Variants in EPHA6 observed in about 807,000 individuals in gnomAD.
EPHA6 encodes EPH receptor A6.
EPHA6 carries 50 observed loss-of-function variants against 112.0 expected under a neutral mutation model. The ratio of observed to expected loss-of-function variants is 0.45; its 90% CI spans 0.36 to 0.56. EPHA6 has a LOEUF of 0.56. EPHA6 is among the 20% of genes least tolerant of loss of function. The pLI, the probability that EPHA6 is intolerant of heterozygous loss-of-function variation, is 0.00. For synonymous variants in EPHA6, 529 were observed against 490.7 expected, an observed-to-expected ratio of 1.08 and a Z score of -1.03; for missense variants, 1,280 against 1,417.4, an observed-to-expected ratio of 0.90 and a Z score of 1.56.
chr3:97,110,027 T>C (rs765090117), intron 3 of EPHA6, among the ~76,000 whole-genome samples: 1 of 152,100 alleles, frequency 6.6e-6, no homozygotes, highest in Non-Finnish European at 1.5e-5. Flanking sequence ...TTAAATAACA[T>C]TGAAATACTC....
intron 14 of EPHA6, among the ~76,000 whole-genome samples, chr3:97,687,443 A>C (rs752141417): frequency 8.5e-5 from 13 of 152,174 alleles, no homozygotes; most frequent in Non-Finnish European, 1.6e-4. Context: ...ACTGGAAGCA[A>C]GGTGTTTTTT....
chr3:97,273,097 A>G (rs1300025102), intron 5 of EPHA6, among the ~76,000 whole-genome samples: 1 of 152,144 alleles, frequency 6.6e-6, no homozygotes, highest in African/African-American at 2.4e-5. Flanking sequence ...ATTTAGAATT[A>G]TTGGTGATGG....
chr3:96,850,850 A>G (rs1449770861), intron 1 of EPHA6, among the ~76,000 whole-genome samples: 1 of 152,162 alleles, frequency 6.6e-6, no homozygotes, highest in Non-Finnish European at 1.5e-5. Context: ...AAACTAGCTC[A>G]CAGAGATTTT....
At chr3:97,233,130 A>C (rs1201864708) in intron 4 of EPHA6, among the ~76,000 whole-genome samples, 1 of 152,022 alleles carries the variant, frequency 6.6e-6, no homozygotes, top group African/African-American at 2.4e-5. Context: ...ATGGTTTTAG[A>C]GAGATAGTTT....
At chr3:97,748,551 C>T in intron 17 of EPHA6, 36 bp from the exon 18 acceptor site, 1 of 1,046,298 alleles carries the variant, frequency 9.6e-7, no homozygotes, top group Non-Finnish European at 1.5e-6. Context: ...CTTGCTCTCA[C>T]TCTCGCTCTC....
intron 14 of EPHA6, among the ~76,000 whole-genome samples, chr3:97,717,080 A>G (rs1459843054): frequency 6.6e-6 from 1 of 151,880 alleles, no homozygotes; most frequent in Non-Finnish European, 1.5e-5. Context: ...AATACAAAAA[A>G]ATTAGCTGGG....
intron 3 of EPHA6, among the ~76,000 whole-genome samples, chr3:97,041,985 C>A (rs1367925767): frequency 1.3e-5 from 2 of 152,090 alleles, no homozygotes; most frequent in African/African-American, 4.8e-5. Flanking sequence ...GTACCTGATA[C>A]CTCAGTGAGA....
chr3:96,945,338 T>G (rs908992293), intron 2 of EPHA6, among the ~76,000 whole-genome samples: 1 of 152,182 alleles, frequency 6.6e-6, no homozygotes, highest in Non-Finnish European at 1.5e-5. Context: ...ATGGATTCCT[T>G]GAAATGAAGT....
Position 97,749,515 on chromosome 3 carries a change from G to A in EPHA6, c.*814G>A, listed in dbSNP as rs796722586. ...GAAGACCGCTCCTGGAAAGACCAAG[G>A]GTGACTTCATTGATCTAATGGCTTT... On this transcript the variant is annotated 3_prime_UTR_variant, in exon 18 of 18. Coordinates refer to ENST00000389672, the MANE Select transcript of EPHA6 (RefSeq NM_001080448.3). 3.9e-5 allele frequency among the ~76,000 whole-genome samples: 6 copies of A among 152,040 alleles called. No homozygotes were observed. Among genetic ancestry groups the A allele is most frequent in the African/African-American group, 1.2e-4 (5 of 41,478 alleles).
chr3:96,890,678 G>A (rs1195104234), intron 2 of EPHA6, among the ~76,000 whole-genome samples: 2 of 152,172 alleles, frequency 1.3e-5, no homozygotes, highest in Non-Finnish European at 2.9e-5. Context: ...AAAATAAAAT[G>A]TCAATTTTCG....
At chr3:97,435,981 C>T (rs1045129839) in intron 6 of EPHA6, among the ~76,000 whole-genome samples, 1 of 152,174 alleles carries the variant, frequency 6.6e-6, no homozygotes, top group South Asian at 2.1e-4. Context: ...AAGGTGTGTA[C>T]TTCAGGAAGC....
At chr3:97,379,626 G>A (rs2085593670) in intron 5 of EPHA6, among the ~76,000 whole-genome samples, 1 of 151,508 alleles carries the variant, frequency 6.6e-6, no homozygotes, top group African/African-American at 2.4e-5. Context: ...GCAGGCACCT[G>A]TAATCCCAGC....
rs1365191581 is a variant in EPHA6 at position 97,442,407 on chromosome 3, G to A, written c.1732-6161G>A. ...TCAAGACCAGCCTGGCCAACATGGT[G>A]AAACCCCGTTTCTACTAAAAATACA... On this transcript the variant is annotated intron_variant, in intron 6 of 17. Transcript: ENST00000389672. Among the ~76,000 whole-genome samples, 3 of 152,096 alleles carry A rather than the reference G, an allele frequency of 2.0e-5. No individual in the cohort carries two copies. The East Asian group carries it at 5.8e-4, about 29-fold the overall frequency.
chr3:97,538,981 C>CTCTCTCTT (rs1553805895), intron 11 of EPHA6, among the ~76,000 whole-genome samples: 11 of 130,156 alleles, frequency 8.5e-5, no homozygotes, highest in Non-Finnish European at 1.4e-4. Flanking sequence ...CACTTTCTCT[C>CTCTCTCTT]TCTTTCTTTC....
intron 2 of EPHA6, among the ~76,000 whole-genome samples, chr3:96,981,905 C>T (rs1472075584): frequency 6.6e-6 from 1 of 152,082 alleles, no homozygotes; most frequent in African/African-American, 2.4e-5. Flanking sequence ...GTGATATCCC[C>T]TTTATCATTT....
intron 11 of EPHA6, among the ~76,000 whole-genome samples, chr3:97,573,647 G>C (rs1371118730): frequency 6.6e-6 from 1 of 151,654 alleles, no homozygotes; most frequent in Non-Finnish European, 1.5e-5. Flanking sequence ...CATTGTGCAG[G>C]TTAGTTACAT....
At chr3:97,133,837 GT>G (rs915635944) in intron 3 of EPHA6, among the ~76,000 whole-genome samples, 1 of 151,838 alleles carries the variant, frequency 6.6e-6, no homozygotes, top group African/African-American at 2.4e-5. Context: ...TCAGTAATTA[GT>G]TTAATTTGTT....
intron 3 of EPHA6, among the ~76,000 whole-genome samples, chr3:97,057,169 A>T (rs2045879188): frequency 6.6e-6 from 1 of 152,174 alleles, no homozygotes; most frequent in Non-Finnish European, 1.5e-5. Flanking sequence ...GTTGCCGGGG[A>T]TATTTCATCA....
At chr3:97,078,139 G>A (rs2046597495) in intron 3 of EPHA6, among the ~76,000 whole-genome samples, 1 of 152,148 alleles carries the variant, frequency 6.6e-6, no homozygotes, top group African/African-American at 2.4e-5. Context: ...TTTCTCTGAT[G>A]AACAGTGATG....
Sources: gnomAD v4.1 joint callset for allele counts (sites outside exome capture counted in the v4.1 genomes callset) on GRCh38, gnomAD v4.1.1 for gene constraint, MANE v1.5 for transcripts, NCBI Gene and HGNC (gene_info 2026-07-23, HGNC 2026-07-21) for gene names.